MTMR14: variants seen among roughly 807,000 people sequenced by gnomAD.
MTMR14 encodes the protein phosphatidylinositol-3,5-bisphosphate 3-phosphatase MTMR14.
A neutral mutation model predicts 86.3 loss-of-function variants in MTMR14; 48 were observed. The ratio of observed to expected loss-of-function variants is 0.56; its 90% CI spans 0.44 to 0.71. MTMR14 has a LOEUF of 0.71. Among genes scored for constraint, MTMR14 ranks in the 30% least tolerant of loss-of-function variants. The pLI is 0.00. For synonymous variants in MTMR14, 366 were observed against 326.1 expected (o/e 1.12, Z -1.32); for missense variants, 780 against 834.6 (o/e 0.93, Z 0.81).
intron 17 of MTMR14, among the ~76,000 whole-genome samples, chr3:9,696,025 T>C (rs2076272157): frequency 6.6e-6 from 1 of 152,216 alleles, no homozygotes; most frequent in African/African-American, 2.4e-5. Context: ...TATCCCGTTC[T>C]CATCCCTAAT....
Position 9,668,775 on chromosome 3 carries a change from C to CT in MTMR14, c.475dup (p.Tyr159LeufsTer11). On this transcript the variant is annotated frameshift_variant, in exon 4 of 19. Transcript: ENST00000296003. LOFTEE classifies it high-confidence loss of function. Reference sequence around the variant, plus strand: ...GGGGAGAGCTGTATGGACGCTCAGGCTACAACTATTTTTTCTCAGGTGAAT... The same window carrying CT: ...GGGGAGAGCTGTATGGACGCTCAGGCTTACAACTATTTTTTCTCAGGTGAAT... The CT allele has an allele frequency of 6.2e-7, 1 of 1,614,126 alleles. No homozygotes were observed.
In MTMR14 at chr3:9,662,447, G is replaced by A. The variant is rs894069341; in HGVS notation, c.417+72G>A. The A allele has an allele frequency of 5.3e-6, 7 of 1,317,448 alleles. No homozygotes were observed. The African/African-American group carries it at 1.0e-4, about 19-fold the overall frequency. 81.6% of individuals were successfully genotyped at this position (1,317,448 alleles called of 1,614,324 possible). A position where few individuals can be genotyped will look rare whatever the true frequency, so the allele number is the denominator to read the frequency against. ...TAGCTGACTTACTGCAAAGTATAGGGTCTTTTTTTCCCTCAACATTAGTAG... is the reference window on the plus strand; with the variant it reads ...TAGCTGACTTACTGCAAAGTATAGGATCTTTTTTTCCCTCAACATTAGTAG... On this transcript the variant is annotated intron_variant, in intron 3 of 18. Coordinates refer to ENST00000296003, the MANE Select transcript of MTMR14 (RefSeq NM_001077525.3).
intron 18 of MTMR14, among the ~76,000 whole-genome samples, chr3:9,698,793 G>A (rs753380457): frequency 9.3e-4 from 142 of 152,240 alleles, no homozygotes; most frequent in Non-Finnish European, 9.7e-4. Flanking sequence ...GAGCTTCTGA[G>A]GTCACTGTGC....
At chr3:9,671,772 A>C (rs11718030) in intron 6 of MTMR14, among the ~76,000 whole-genome samples, 14,063 of 152,262 alleles carry the variant, frequency 0.092, 666 homozygotes, top group Admixed American at 0.12. Context: ...GTCAAAACTA[A>C]AAAATAGAGC....
chr3:9,653,267 A>G (rs959213013), intron 1 of MTMR14, among the ~76,000 whole-genome samples: 1 of 152,218 alleles, frequency 6.6e-6, no homozygotes, highest in Non-Finnish European at 1.5e-5. Flanking sequence ...GAAGCTGACC[A>G]ATGAAGGTAG....
intron 17 of MTMR14, among the ~76,000 whole-genome samples, chr3:9,691,002 A>T (rs1328569038): frequency 1.3e-5 from 2 of 152,200 alleles, no homozygotes; most frequent in Non-Finnish European, 1.5e-5. Context: ...TAGGTCTGTT[A>T]AGAAGAAAAA....
At chr3:9,695,421 C>T (rs769055947) in intron 17 of MTMR14, among the ~76,000 whole-genome samples, 1 of 152,202 alleles carries the variant, frequency 6.6e-6, no homozygotes, top group African/African-American at 2.4e-5. Flanking sequence ...TGGCTGCTTG[C>T]TGAGAGATGC....
rs2075878096 is a variant in MTMR14, at chr3:9,684,677, A to G, written c.1050+7A>G. On this transcript the variant is annotated splice_region_variant and intron_variant, in intron 11 of 18. Coordinates refer to ENST00000296003, the MANE Select transcript of MTMR14 (RefSeq NM_001077525.3). ...GCGCCTTTCCTTGTGGGCTGTGAGTATGAATCGGCCCCTACCAAGCTCTGC... is the reference window on the plus strand; with the variant it reads ...GCGCCTTTCCTTGTGGGCTGTGAGTGTGAATCGGCCCCTACCAAGCTCTGC... 3 of 1,613,964 alleles carry G rather than the reference A, an allele frequency of 1.9e-6. No homozygotes were observed. Among genetic ancestry groups the G allele is most frequent in the Middle Eastern group, 1.6e-4 (1 of 6,062 alleles).
chr3:9,683,334 G>T, intron 10 of MTMR14, 90 bp downstream of exon 10: 1 of 1,250,794 alleles, frequency 8.0e-7, no homozygotes, highest in South Asian at 1.2e-5. Context: ...TGTTGGAGTT[G>T]CACACCTTAC....
intron 7 of MTMR14, among the ~76,000 whole-genome samples, chr3:9,673,338 C>T (rs996040387): frequency 6.6e-6 from 1 of 152,222 alleles, no homozygotes; most frequent in Non-Finnish European, 1.5e-5. Context: ...CACAAAGCTG[C>T]ATTTGTTCCT....
chr3:9,674,931 G>A (rs766714003), intron 7 of MTMR14, among the ~76,000 whole-genome samples: 5 of 152,208 alleles, frequency 3.3e-5, no homozygotes, highest in Admixed American at 2.0e-4. Context: ...GACCAACATG[G>A]AGAAACCCTA....
At chr3:9,652,032 A>G (rs556091040) in intron 1 of MTMR14, among the ~76,000 whole-genome samples, 8 of 152,092 alleles carry the variant, frequency 5.3e-5, no homozygotes, top group Admixed American at 3.9e-4. Context: ...GGGTTTCACC[A>G]TGTTGGCCAG....
chr3:9,692,042 A>G (rs905311883), intron 17 of MTMR14, among the ~76,000 whole-genome samples: 2 of 152,210 alleles, frequency 1.3e-5, no homozygotes, highest in Non-Finnish European at 2.9e-5. Context: ...TTCCATTACC[A>G]TTAAAATTAA....
At chr3:9,651,832 ATT>A (rs745555864) in intron 1 of MTMR14, among the ~76,000 whole-genome samples, 22 of 130,852 alleles carry the variant, frequency 1.7e-4, no homozygotes, top group Admixed American at 1.5e-4. Flanking sequence ...TGCCTGGCTA[ATT>A]TTTTTTTTTT....
chr3:9,668,257 G>A (rs749855252), intron 3 of MTMR14, among the ~76,000 whole-genome samples: 47 of 152,176 alleles, frequency 3.1e-4, no homozygotes, highest in Admixed American at 5.2e-4. Context: ...AGAGGTCAGT[G>A]GGTTTGGATC....
rs1445241074 is a variant in MTMR14 at position 9,649,681 on chromosome 3, TGGA to T, written c.103_105del (p.Glu35del). 6.2e-7 allele frequency: 1 copy of T among 1,609,390 alleles called. No homozygotes were observed. The highest frequency in any genetic ancestry group is 8.5e-7 in the Non-Finnish European group (1 of 1,178,218). On this transcript the variant is annotated inframe_deletion, in exon 1 of 19. Coordinates refer to ENST00000296003, the MANE Select transcript of MTMR14 (RefSeq NM_001077525.3). ...CAGGAGCTGGGGCTTGGGGAGCTGC[TGGA>T]GGAGTTCTCCCGGACTCAGTACCGG...
chr3:9,695,527 T>C (rs112998282), intron 17 of MTMR14, among the ~76,000 whole-genome samples: 1 of 152,266 alleles, frequency 6.6e-6, no homozygotes, highest in Non-Finnish European at 1.5e-5. Context: ...TGTTACCTAC[T>C]GAGACATGGG....
intron 3 of MTMR14, among the ~76,000 whole-genome samples, chr3:9,664,645 G>A (rs778942583): frequency 2.0e-5 from 3 of 152,054 alleles, no homozygotes; most frequent in Non-Finnish European, 4.4e-5. Context: ...AATAAGCCAG[G>A]CACAAAAAGA....
intron 16 of MTMR14, 120 bp from the exon 17 acceptor site, chr3:9,689,844 G>A: frequency 1.0e-6 from 1 of 1,002,014 alleles, no homozygotes; most frequent in South Asian, 1.5e-5. Context: ...GCTAATGTTT[G>A]CCAACTCATG....
Sources: gnomAD v4.1 joint callset for allele counts (sites outside exome capture counted in the v4.1 genomes callset) on GRCh38, gnomAD v4.1.1 for gene constraint, MANE v1.5 for transcripts, NCBI Gene and HGNC (gene_info 2026-07-23, HGNC 2026-07-21) for gene names.